KATNAL2: variants seen among roughly 807,000 people sequenced by gnomAD.
The protein encoded by KATNAL2 is katanin p60 ATPase-containing subunit A-like 2.
KATNAL2 carries 52 observed loss-of-function variants against 76.3 expected under a neutral mutation model. The ratio of observed to expected loss-of-function variants is 0.68; its 90% CI spans 0.55 to 0.86. KATNAL2 has a LOEUF of 0.86. Ranked by LOEUF, KATNAL2 falls within the 40% of genes least tolerant of loss-of-function variation. The pLI, the probability that KATNAL2 is intolerant of heterozygous loss-of-function variation, is 0.00. For missense variants in KATNAL2, 660 were observed against 668.9 expected, an observed-to-expected ratio of 0.99 and a Z score of 0.15; for synonymous variants, 243 against 244.2, an observed-to-expected ratio of 1.00 and a Z score of 0.05.
intron 1 of KATNAL2, among the ~76,000 whole-genome samples, chr18:46,925,841 A>G (rs1468830000): frequency 6.6e-6 from 1 of 152,096 alleles, no homozygotes; most frequent in Non-Finnish European, 1.5e-5. Flanking sequence ...GAATTTATCC[A>G]TTTCTTCTAG....
At chr18:47,063,431 T>G (rs952031802) in intron 10 of KATNAL2, 70 bp downstream of exon 10, 12 of 1,137,828 alleles carry the variant, frequency 1.1e-5, no homozygotes, top group African/African-American at 3.1e-5. Context: ...GTGGGCTGCT[T>G]CTTTTATTAA....
chr18:47,032,228 G>A (rs73440915), intron 3 of KATNAL2, among the ~76,000 whole-genome samples: 2,998 of 152,294 alleles, frequency 0.02, 96 homozygotes, highest in African/African-American at 0.068. Flanking sequence ...TATGAAATCC[G>A]ATAGTTCCTT....
At chr18:46,921,567 A>G (rs1454241237) in intron 1 of KATNAL2, among the ~76,000 whole-genome samples, 2 of 152,180 alleles carry the variant, frequency 1.3e-5, no homozygotes, top group African/African-American at 4.8e-5. Flanking sequence ...TCTCAGGATG[A>G]GATACCTGAT....
chr18:46,927,451 T>A (rs2058763442), intron 1 of KATNAL2, among the ~76,000 whole-genome samples: 1 of 152,218 alleles, frequency 6.6e-6, no homozygotes, highest in South Asian at 2.1e-4. Flanking sequence ...TGCTGAGACA[T>A]CAGCAGTTAG....
intron 3 of KATNAL2, among the ~76,000 whole-genome samples, chr18:47,043,226 C>CAAAAA (rs1195140135): frequency 4.8e-5 from 2 of 41,688 alleles, no homozygotes; most frequent in Admixed American, 3.0e-4. Flanking sequence ...GACTCCGTTT[C>CAAAAA]AAAAAAAAAA....
At chr18:47,035,399 C>T in intron 3 of KATNAL2, 2 of 1,502,380 alleles carry the variant, frequency 1.3e-6, no homozygotes, top group Non-Finnish European at 1.8e-6. Context: ...GGAGTCACAG[C>T]CTGGAGCGAG....
At chr18:46,922,161 C>G (rs1355002978) in intron 1 of KATNAL2, among the ~76,000 whole-genome samples, 1 of 149,588 alleles carries the variant, frequency 6.7e-6, no homozygotes, top group Admixed American at 6.7e-5. Flanking sequence ...AGTGCAGTGG[C>G]ATGATCACAG....
intron 14 of KATNAL2, among the ~76,000 whole-genome samples, chr18:47,076,776 TTATAA>T (rs887554788): frequency 6.8e-6 from 1 of 146,438 alleles, no homozygotes; most frequent in Admixed American, 6.9e-5. Context: ...TATATTATGC[TTATAA>T]TATATAATAA....
intron 1 of KATNAL2, among the ~76,000 whole-genome samples, chr18:46,932,673 C>CAAAAAAAAAAAAAAA (rs1162695359): frequency 2.3e-5 from 1 of 42,850 alleles, no homozygotes; most frequent in Non-Finnish European, 4.1e-5. Flanking sequence ...GACTCTGTCT[C>CAAAAAAAAAAAAAAA]AAAAAAAAAA....
At chr18:46,955,162 C>CTTTCTT (rs1569015896) in intron 3 of KATNAL2, among the ~76,000 whole-genome samples, 1 of 135,506 alleles carries the variant, frequency 7.4e-6, no homozygotes, top group East Asian at 2.2e-4. Context: ...TTCTTTCTTT[C>CTTTCTT]TTTCTTTCTT....
At chr18:46,960,383 T>C (rs7244181) in intron 3 of KATNAL2, among the ~76,000 whole-genome samples, 1,915 of 151,656 alleles carry the variant, frequency 0.013, 37 homozygotes, top group African/African-American at 0.043. Context: ...TGAACCGAGA[T>C]TGCTCCATTG....
chr18:47,054,551 C>A (rs942820478), intron 6 of KATNAL2, 113 bp downstream of exon 6: 1 of 1,046,182 alleles, frequency 9.6e-7, no homozygotes, highest in Non-Finnish European at 1.5e-6. Flanking sequence ...ATACTGACTG[C>A]AGTCATGTGA....
intron 15 of KATNAL2, among the ~76,000 whole-genome samples, chr18:47,086,347 T>A (rs1257949739): frequency 6.6e-6 from 1 of 152,118 alleles, no homozygotes; most frequent in Non-Finnish European, 1.5e-5. Context: ...CTCGCTCTGT[T>A]CCCCAGGCTG....
At chr18:46,919,621 C>T (rs2058413530) in intron 1 of KATNAL2, among the ~76,000 whole-genome samples, 1 of 152,096 alleles carries the variant, frequency 6.6e-6, no homozygotes, top group Non-Finnish European at 1.5e-5. Context: ...TGCACTCCAG[C>T]CTGGGCAACA....
At chr18:46,956,815 G>A (rs2059761987) in intron 3 of KATNAL2, among the ~76,000 whole-genome samples, 2 of 152,028 alleles carry the variant, frequency 1.3e-5, no homozygotes, top group Admixed American at 6.6e-5. Context: ...GGCTGAGGCA[G>A]GCAGATCACC....
At chr18:46,922,769 C>T (rs2058608436) in intron 1 of KATNAL2, among the ~76,000 whole-genome samples, 1 of 151,612 alleles carries the variant, frequency 6.6e-6, no homozygotes, top group Admixed American at 6.6e-5. Context: ...TGCATTCCAA[C>T]CTGGGCAACA....
chr18:46,952,400 T>G (rs1019185518), intron 3 of KATNAL2, among the ~76,000 whole-genome samples: 2 of 133,402 alleles, frequency 1.5e-5, no homozygotes, highest in Admixed American at 7.4e-5. Context: ...TATGTTTTTT[T>G]TTTTTTTTTT....
At chr18:46,956,465 T>A (rs2059750580) in intron 3 of KATNAL2, among the ~76,000 whole-genome samples, 1 of 152,224 alleles carries the variant, frequency 6.6e-6, no homozygotes, top group Non-Finnish European at 1.5e-5. Flanking sequence ...CCTTAAATTC[T>A]TGTTCTTTAG....
chr18:47,075,185 A>C, intron 13 of KATNAL2, 92 bp from the exon 14 acceptor site: 1 of 944,416 alleles, frequency 1.1e-6, no homozygotes, highest in Non-Finnish European at 1.5e-6. Flanking sequence ...ATAAATGCTT[A>C]TTATTACAGT....
Sources: allele counts gnomAD v4.1 joint callset (sites outside exome capture counted in the v4.1 genomes callset), GRCh38; gene constraint gnomAD v4.1.1; transcripts MANE v1.5; gene names NCBI Gene and HGNC (gene_info 2026-07-23, HGNC 2026-07-21).